The following EXOC4 variants were observed in gnomAD, a reference collection of about 807,000 sequenced individuals.
EXOC4 encodes exocyst complex component 4, also known as SEC8-like 1.
In EXOC4, 71 loss-of-function variants were observed where a neutral mutation model predicts 107.2. The ratio of observed to expected loss-of-function variants is 0.66; its 90% CI spans 0.55 to 0.81. The LOEUF (loss-of-function observed/expected upper bound fraction) is 0.81. Ranked by LOEUF, EXOC4 falls within the 30% of genes least tolerant of loss-of-function variation. The pLI, the probability that EXOC4 is intolerant of heterozygous loss-of-function variation, is 0.00. For missense variants in EXOC4, 1,108 were observed against 1,189.6 expected (o/e 0.93, Z 1.01); for synonymous variants, 456 against 441.2 (o/e 1.03, Z -0.42).
intron 5 of EXOC4, among the ~76,000 whole-genome samples, chr7:133,327,914 T>C (rs1795285686): frequency 6.6e-6 from 1 of 152,174 alleles, no homozygotes. Context: ...GTATATTCTG[T>C]TGATTTGTGG....
At chr7:134,021,339 G>C (rs546563295) in intron 17 of EXOC4, among the ~76,000 whole-genome samples, 1 of 152,336 alleles carries the variant, frequency 6.6e-6, no homozygotes, top group South Asian at 2.1e-4. Context: ...CGTGCTTAAA[G>C]CATTTGCTCA....
intron 11 of EXOC4, among the ~76,000 whole-genome samples, chr7:133,818,276 T>A (rs900022015): frequency 2.0e-5 from 3 of 152,200 alleles, no homozygotes; most frequent in African/African-American, 7.2e-5. Context: ...TTATTGTGTT[T>A]CTTCATTTAA....
At chr7:133,835,376 A>G (rs190739285) in intron 11 of EXOC4, among the ~76,000 whole-genome samples, 28 of 152,374 alleles carry the variant, frequency 1.8e-4, no homozygotes, top group Admixed American at 1.2e-3. Flanking sequence ...TGCAACGTCA[A>G]TACATGTAAG....
intron 10 of EXOC4, among the ~76,000 whole-genome samples, chr7:133,699,599 G>A (rs1794612226): frequency 6.6e-6 from 1 of 152,160 alleles, no homozygotes; most frequent in Non-Finnish European, 1.5e-5. Flanking sequence ...TTTATGTAAT[G>A]TTGTGGTTTT....
intron 11 of EXOC4, among the ~76,000 whole-genome samples, chr7:133,876,995 A>G (rs1030812769): frequency 2.0e-5 from 3 of 151,824 alleles, no homozygotes; most frequent in Non-Finnish European, 2.9e-5. Context: ...TCCAGCCACT[A>G]TATCTTTTTA....
intron 2 of EXOC4, among the ~76,000 whole-genome samples, chr7:133,281,712 T>C (rs1794155774): frequency 6.6e-6 from 1 of 151,528 alleles, no homozygotes. Flanking sequence ...CTATTTTTTT[T>C]TTTTTTTTGG....
intron 10 of EXOC4, among the ~76,000 whole-genome samples, chr7:133,778,532 C>T (rs971963089): frequency 1.3e-5 from 2 of 152,088 alleles, no homozygotes; most frequent in Non-Finnish European, 2.9e-5. Context: ...TGCAGTGAGC[C>T]GTGATCACAC....
At chr7:133,367,238 A>G (rs1389350024) in intron 6 of EXOC4, among the ~76,000 whole-genome samples, 1 of 151,994 alleles carries the variant, frequency 6.6e-6, no homozygotes, top group African/African-American at 2.4e-5. Context: ...AGCTAGAGAG[A>G]GTATGAGGGG....
chr7:133,561,122 G>A (rs181586855), intron 9 of EXOC4, among the ~76,000 whole-genome samples: 25 of 152,288 alleles, frequency 1.6e-4, no homozygotes. Flanking sequence ...CTTGTTGTCA[G>A]TAAAACGAAA....
At chr7:133,529,288 A>C (rs927031251) in intron 9 of EXOC4, among the ~76,000 whole-genome samples, 10 of 152,086 alleles carry the variant, frequency 6.6e-5, no homozygotes, top group African/African-American at 2.4e-4. Context: ...AGTACATATC[A>C]CTTGGTTATG....
At chr7:133,812,804 T>C (rs562607507) in intron 10 of EXOC4, among the ~76,000 whole-genome samples, 1 of 152,260 alleles carries the variant, frequency 6.6e-6, no homozygotes. Flanking sequence ...TGTTACTAAC[T>C]ATAGTCACCA....
intron 10 of EXOC4, among the ~76,000 whole-genome samples, chr7:133,704,035 A>T (rs146094604): frequency 3.8e-4 from 58 of 152,312 alleles, no homozygotes; most frequent in African/African-American, 1.2e-3. Flanking sequence ...TGCTTGTTTC[A>T]TCATCAGCAA....
At chr7:133,419,752 ACT>A (rs1220618639) in intron 7 of EXOC4, among the ~76,000 whole-genome samples, 3 of 151,840 alleles carry the variant, frequency 2.0e-5, no homozygotes, top group Admixed American at 2.0e-4. Flanking sequence ...ATCCAAACCG[ACT>A]CTTATTATTT....
chr7:133,688,474 T>C (rs1794353854), intron 10 of EXOC4, among the ~76,000 whole-genome samples: 1 of 152,214 alleles, frequency 6.6e-6, no homozygotes, highest in Non-Finnish European at 1.5e-5. Flanking sequence ...TAGTGATGAT[T>C]ATTTTTCTTT....
At chr7:134,036,657 A>G (rs1344026913) in intron 17 of EXOC4, among the ~76,000 whole-genome samples, 7 of 152,224 alleles carry the variant, frequency 4.6e-5, no homozygotes, top group African/African-American at 1.7e-4. Context: ...ACAGCTTTAT[A>G]TAATTCATAG....
intron 9 of EXOC4, among the ~76,000 whole-genome samples, chr7:133,541,552 T>A (rs1310377886): frequency 6.6e-6 from 1 of 152,136 alleles, no homozygotes; most frequent in Non-Finnish European, 1.5e-5. Context: ...CAGGCTGGAG[T>A]ACACTGGTGT....
intron 10 of EXOC4, among the ~76,000 whole-genome samples, chr7:133,813,558 G>C (rs1325303132): frequency 1.3e-5 from 2 of 152,128 alleles, no homozygotes; most frequent in Admixed American, 1.3e-4. Flanking sequence ...TTGGGAGTTA[G>C]ATGAGAACAG....
intron 1 of EXOC4, among the ~76,000 whole-genome samples, chr7:133,266,847 AT>A (rs1230527613): frequency 1.3e-5 from 2 of 152,204 alleles, no homozygotes; most frequent in Non-Finnish European, 2.9e-5. Flanking sequence ...TTCTTTTAGA[AT>A]TTAGGACTAG....
Position 133,979,372 on chromosome 7 carries a change from A to G in EXOC4, c.2207-18120A>G, listed in dbSNP as rs903619718. ...ATAGTGCCTCTTTGGTAGAAAGGAAATAAACGGCGGTCAGGAAATAAATGC... is the reference window on the plus strand; with the variant it reads ...ATAGTGCCTCTTTGGTAGAAAGGAAGTAAACGGCGGTCAGGAAATAAATGC... On this transcript the variant is annotated intron_variant, in intron 14 of 17. Transcript: ENST00000253861. Among the ~76,000 whole-genome samples, 11 of 152,298 alleles carry G rather than the reference A, an allele frequency of 7.2e-5. No homozygotes were observed. The South Asian group carries it at 2.1e-3, about 29-fold the overall frequency.
Sources: gnomAD v4.1 joint callset for allele counts (sites outside exome capture counted in the v4.1 genomes callset) on GRCh38, gnomAD v4.1.1 for gene constraint, MANE v1.5 for transcripts, NCBI Gene and HGNC (gene_info 2026-07-23, HGNC 2026-07-21) for gene names.